FGD4: variants seen among roughly 807,000 people sequenced by gnomAD.
The protein encoded by FGD4 is FYVE, RhoGEF and PH domain-containing protein 4.
FGD4 carries 42 observed loss-of-function variants against 102.0 expected under a neutral mutation model. That is an observed-to-expected ratio of 0.41 (90% CI 0.32 to 0.53). FGD4 has a LOEUF of 0.53. Ranked by LOEUF, FGD4 falls within the 20% of genes least tolerant of loss-of-function variation. The probability of loss-of-function intolerance (pLI) is 0.21; values close to 1 mark genes in which losing one functional copy is unlikely to be tolerated. For missense variants in FGD4, 902 were observed against 1,078.2 expected (o/e 0.84, Z 2.29); for synonymous variants, 380 against 375.7 (o/e 1.01, Z -0.13).
At chr12:32,636,724 C>A (rs765471469) in intron 15 of FGD4, among the ~76,000 whole-genome samples, 2 of 152,010 alleles carry the variant, frequency 1.3e-5, no homozygotes, top group Non-Finnish European at 2.9e-5. Flanking sequence ...ATTTGCAGAC[C>A]TGGAGACCAA....
intron 1 of FGD4, among the ~76,000 whole-genome samples, chr12:32,558,987 A>G (rs1852547980): frequency 6.6e-6 from 1 of 152,228 alleles, no homozygotes; most frequent in African/African-American, 2.4e-5. Flanking sequence ...TAACTAACAT[A>G]CTGTAATTTG....
At position 32,583,370 on chromosome 12, in the gene FGD4, A is replaced by G. The variant is rs186041055; in HGVS notation, c.1011+903A>G. Among the ~76,000 whole-genome samples the G allele has an allele frequency of 1.5e-3, 228 of 152,268 alleles. 2 individuals are homozygous for G. The highest frequency in any genetic ancestry group is 5.0e-3 in the African/African-American group (207 of 41,552). ...AGGAAAAAAAAATCTTAGTTTAGCA[A>G]TTCATTTATAGAAGAAGAAATAGTC... On this transcript the variant is annotated intron_variant, in intron 4 of 16. Transcript: ENST00000534526.
At chr12:32,490,023 C>T (rs1034684789) in intron 1 of FGD4, among the ~76,000 whole-genome samples, 8 of 152,114 alleles carry the variant, frequency 5.3e-5, no homozygotes, top group East Asian at 1.9e-4. Flanking sequence ...TAAAAAATTT[C>T]GCCTACCTGA....
rs146833855 is a variant in FGD4 at position 32,430,042 on chromosome 12, T to A, written c.166+30083T>A. 8.1e-3 allele frequency among the ~76,000 whole-genome samples: 1,233 copies of A among 152,132 alleles called. 10 individuals are homozygous for A. The highest frequency in any genetic ancestry group is 0.027 in the Middle Eastern group (8 of 292). ...AAGATTCTGGGCTGGGCGCGCTGGC[T>A]TATGCCTGTAATCCCAGCACTTTGG... On this transcript the variant is annotated intron_variant, in intron 1 of 16. Transcript: ENST00000534526.
chr12:32,445,818 A>G (rs1378064098), intron 1 of FGD4, among the ~76,000 whole-genome samples: 1 of 152,236 alleles, frequency 6.6e-6, no homozygotes, highest in Non-Finnish European at 1.5e-5. Context: ...ATTTGCAAGA[A>G]AAGTCCAAAG....
chr12:32,455,173 A>G (rs1466956087), intron 1 of FGD4, among the ~76,000 whole-genome samples: 1 of 152,182 alleles, frequency 6.6e-6, no homozygotes, highest in African/African-American at 2.4e-5. Context: ...ATTTTCTACA[A>G]ATTTCTTTGA....
intron 1 of FGD4, among the ~76,000 whole-genome samples, chr12:32,444,021 C>CTTTTTTTTT (rs67353121): frequency 1.9e-4 from 23 of 119,132 alleles, no homozygotes; most frequent in East Asian, 4.9e-4. Flanking sequence ...ACTTTGTTTT[C>CTTTTTTTTT]TTTTTTTTTT....
At chr12:32,454,771 C>T (rs765008562) in intron 1 of FGD4, among the ~76,000 whole-genome samples, 2 of 152,032 alleles carry the variant, frequency 1.3e-5, no homozygotes, top group Non-Finnish European at 2.9e-5. Context: ...TTAAATTGAC[C>T]GCAGTACAAT....
chr12:32,442,230 T>G (rs1458018798), intron 1 of FGD4, among the ~76,000 whole-genome samples: 2 of 151,956 alleles, frequency 1.3e-5, no homozygotes, highest in African/African-American at 4.8e-5. Context: ...ATTTTTTGTA[T>G]TTTTAGTAGA....
intron 1 of FGD4, among the ~76,000 whole-genome samples, chr12:32,404,813 G>T (rs1262736655): frequency 6.6e-6 from 1 of 152,184 alleles, no homozygotes; most frequent in African/African-American, 2.4e-5. Flanking sequence ...GATGGATGGT[G>T]TGCATGTGCA....
intron 4 of FGD4, among the ~76,000 whole-genome samples, chr12:32,583,584 C>G (rs1946783066): frequency 6.6e-6 from 1 of 152,174 alleles, no homozygotes. Context: ...TTGTTGAGAA[C>G]TGGACATTTC....
At chr12:32,479,459 A>T (rs974410397) in intron 1 of FGD4, among the ~76,000 whole-genome samples, 3 of 151,906 alleles carry the variant, frequency 2.0e-5, no homozygotes, top group Non-Finnish European at 2.9e-5. Context: ...CCTCCCATGA[A>T]TTCTTACTAT....
chr12:32,491,132 TAAAAAAAA>T (rs72008264), intron 1 of FGD4, among the ~76,000 whole-genome samples: 1 of 106,564 alleles, frequency 9.4e-6, no homozygotes, highest in African/African-American at 3.6e-5. Flanking sequence ...TTCTGCCAGT[TAAAAAAAA>T]AAAAAAAAAA....
intron 1 of FGD4, among the ~76,000 whole-genome samples, chr12:32,480,031 A>T (rs1943686408): frequency 6.6e-6 from 1 of 151,918 alleles, no homozygotes; most frequent in Admixed American, 6.6e-5. Flanking sequence ...GGCTCAAGTG[A>T]TCTGCCTGCC....
intron 14 of FGD4, among the ~76,000 whole-genome samples, chr12:32,632,060 T>C (rs1950528299): frequency 6.6e-6 from 1 of 152,204 alleles, no homozygotes; most frequent in Non-Finnish European, 1.5e-5. Flanking sequence ...ATTTTTATCA[T>C]GAATTTTAAA....
chr12:32,481,107 G>A lies in FGD4; in HGVS notation c.166+81148G>A, dbSNP rs539856424. On this transcript the variant is annotated intron_variant, in intron 1 of 16. Coordinates refer to ENST00000534526, the MANE Select transcript of FGD4 (RefSeq NM_001370298.3). ...AGTGCCACTGTACTCCAGCCTGGGT[G>A]ACAGAGTGAGACTCCGTCTCAAAAA... Among the ~76,000 whole-genome samples the A allele has an allele frequency of 3.4e-5, 4 of 115,944 alleles. No homozygotes were observed. The South Asian group carries it at 1.2e-3, about 34-fold the overall frequency. The allele number at this position is 115,944 out of a possible 152,430, so 76.1% of individuals were successfully genotyped here. A position where few individuals can be genotyped will look rare whatever the true frequency, so the allele number is the denominator to read the frequency against.
chr12:32,564,204 T>A lies in FGD4; in HGVS notation c.234T>A (p.Val78=), dbSNP rs1944993115. The A allele has an allele frequency of 7.2e-6, 11 of 1,535,960 alleles. No homozygotes were observed. The highest frequency in any genetic ancestry group is 1.4e-5 in the African/African-American group (1 of 73,016). ...CCACAAGCAGCACAACCACACTGGT[T>A]GGTGAGAATGTATCTGAAGAAGAGG... ...PCSTSSTTTL[V]GENVSEEEAQ... The change falls in exon 2 of 17, where the codon GTT becomes GTA. Residue 78 remains valine, a synonymous_variant. Transcript: ENST00000534526.
At chr12:32,481,358 A>T (rs1050461894) in intron 1 of FGD4, among the ~76,000 whole-genome samples, 5 of 152,178 alleles carry the variant, frequency 3.3e-5, no homozygotes, top group African/African-American at 9.6e-5. Context: ...TTCATATTGT[A>T]ATATGGTCTT....
intron 1 of FGD4, among the ~76,000 whole-genome samples, chr12:32,402,580 A>T (rs909733846): frequency 4.0e-5 from 6 of 149,490 alleles, no homozygotes; most frequent in African/African-American, 1.5e-4. Flanking sequence ...TCTTAAGTAG[A>T]TGGGACTACA....
Sources: gnomAD v4.1 joint callset for allele counts (sites outside exome capture counted in the v4.1 genomes callset) on GRCh38, gnomAD v4.1.1 for gene constraint, MANE v1.5 for transcripts, NCBI Gene and HGNC (gene_info 2026-07-23, HGNC 2026-07-21) for gene names.